The following FMN1 variants were observed in gnomAD, a reference collection of about 807,000 sequenced individuals.
FMN1 encodes formin 1.
Under a neutral mutation model 132.4 loss-of-function variants are expected in FMN1, and 110 were observed. The ratio of observed to expected loss-of-function variants is 0.83; its 90% CI spans 0.71 to 0.97. The LOEUF is 0.97. FMN1 is among the 50% of genes least tolerant of loss of function. The pLI is 0.00. For missense variants in FMN1, 1,792 were observed against 1,705.3 expected, an observed-to-expected ratio of 1.05 and a Z score of -0.90; for synonymous variants, 722 against 651.7, an observed-to-expected ratio of 1.11 and a Z score of -1.64.
At chr15:32,955,074 C>T (rs1244206134) in intron 9 of FMN1, among the ~76,000 whole-genome samples, 1 of 152,190 alleles carries the variant, frequency 6.6e-6, no homozygotes, top group Non-Finnish European at 1.5e-5. Context: ...TGCCCAACCC[C>T]TCTAAACTCC....
At chr15:33,161,729 C>T (rs190757138) in intron 3 of FMN1, among the ~76,000 whole-genome samples, 180 of 152,112 alleles carry the variant, frequency 1.2e-3, no homozygotes, top group African/African-American at 3.7e-3. Flanking sequence ...CCACCCTGGC[C>T]AACACGGTGA....
At chr15:33,144,700 A>G in intron 4 of FMN1, among the ~76,000 whole-genome samples, 1 of 152,204 alleles carries the variant, frequency 6.6e-6, no homozygotes, top group South Asian at 2.1e-4. Flanking sequence ...AAATATCGAT[A>G]AAGATGCTAT....
At chr15:33,110,306 T>G (rs192385053) in intron 4 of FMN1, among the ~76,000 whole-genome samples, 1 of 152,046 alleles carries the variant, frequency 6.6e-6, no homozygotes, top group African/African-American at 2.4e-5. Flanking sequence ...TGAAACAATA[T>G]TTATGAAAAG....
intron 6 of FMN1, chr15:33,012,960 A>G (rs1473829566): frequency 4.3e-6 from 2 of 470,574 alleles, no homozygotes; most frequent in Non-Finnish European, 8.3e-6. Context: ...AAAACTTTGG[A>G]GGCAAAAGCT....
Position 32,779,587 on chromosome 15 carries a change from C to A in FMN1, c.4131-2668G>T, listed in dbSNP as rs151152915. Reference sequence around the variant, plus strand: ...AAAAGAATTATAAACAGACACAGAGCTTTCACTGTGGCAATATATGCAATC... The same window carrying A: ...AAAAGAATTATAAACAGACACAGAGATTTCACTGTGGCAATATATGCAATC... On this transcript the variant is annotated intron_variant, in intron 19 of 20. Coordinates refer to ENST00000616417, the MANE Select transcript of FMN1 (RefSeq NM_001277313.2). Among the ~76,000 whole-genome samples the A allele has an allele frequency of 5.9e-5, 9 of 152,276 alleles. No homozygotes were observed. In the East Asian group the frequency reaches 1.7e-3, roughly 29 times the overall value.
At chr15:32,928,587 A>C (rs753305394) in intron 9 of FMN1, among the ~76,000 whole-genome samples, 1 of 152,224 alleles carries the variant, frequency 6.6e-6, no homozygotes, top group Non-Finnish European at 1.5e-5. Flanking sequence ...TCAAAAAGGC[A>C]AATAAAAGCA....
At chr15:32,932,784 T>C (rs1389061685) in intron 9 of FMN1, among the ~76,000 whole-genome samples, 1 of 152,236 alleles carries the variant, frequency 6.6e-6, no homozygotes, top group East Asian at 1.9e-4. Context: ...TTTTTTGGCA[T>C]GTAATTGTTC....
At chr15:33,070,712 G>C (rs1038375123) in intron 5 of FMN1, among the ~76,000 whole-genome samples, 1 of 152,182 alleles carries the variant, frequency 6.6e-6, no homozygotes, top group African/African-American at 2.4e-5. Flanking sequence ...CCATAGCTGA[G>C]AGAAGGTAAC....
At position 32,776,926 on chromosome 15, in the gene FMN1, T is replaced by C. The variant is rs989764313; in HGVS notation, c.4131-7A>G. The C allele has an allele frequency of 7.8e-6, 12 of 1,542,052 alleles. No homozygotes were observed. The highest frequency in any genetic ancestry group is 2.7e-5 in the African/African-American group (2 of 73,326). On this transcript the variant is annotated splice_polypyrimidine_tract_variant and splice_region_variant and intron_variant, in intron 19 of 20. Transcript: ENST00000616417. The stretch of plus-strand genomic sequence containing the variant: ...TTCCTGAGCCATTTTCAATCTGAAA[T>C]AGAAATAGGGAAAAGACAGGGGAGA...
rs117137952 is a variant in FMN1, at chr15:32,774,507, A to C, written c.4216-153T>G. On this transcript the variant is annotated intron_variant, in intron 20 of 20. Coordinates refer to ENST00000616417, the MANE Select transcript of FMN1 (RefSeq NM_001277313.2). ...CCTCTACTGCTTTCCCTAAGCTCTTAGTTATCTGCCCCTCCCTACCTATCA... is the reference window on the plus strand; with the variant it reads ...CCTCTACTGCTTTCCCTAAGCTCTTCGTTATCTGCCCCTCCCTACCTATCA... Among the ~76,000 whole-genome samples the C allele has an allele frequency of 1.9e-3, 288 of 151,716 alleles. 6 individuals are homozygous for C. In the East Asian group the frequency reaches 0.048, roughly 25 times the overall value.
chr15:32,935,249 C>T (rs2061235998), intron 9 of FMN1, among the ~76,000 whole-genome samples: 1 of 151,994 alleles, frequency 6.6e-6, no homozygotes, highest in Admixed American at 6.5e-5. Flanking sequence ...ATATAGTTTT[C>T]TTACTTGGTA....
intron 5 of FMN1, among the ~76,000 whole-genome samples, chr15:33,072,652 G>A (rs2038042729): frequency 6.6e-6 from 1 of 152,210 alleles, no homozygotes; most frequent in East Asian, 1.9e-4. Flanking sequence ...GCTGGGCACA[G>A]TAGCTCACGC....
rs992792674 is a variant in FMN1, at chr15:32,942,852, A to G, written c.3139-16591T>C. 2.6e-5 allele frequency among the ~76,000 whole-genome samples: 4 copies of G among 152,242 alleles called. No individual in the cohort carries two copies. The East Asian group carries it at 5.8e-4, about 22-fold the overall frequency. On this transcript the variant is annotated intron_variant, in intron 9 of 20. Coordinates refer to ENST00000616417, the MANE Select transcript of FMN1 (RefSeq NM_001277313.2). ...ATAGCTGCTGGCACTTCAGGGAACT[A>G]AGGGCATGTGAAAGTTGCTGCTTTT...
intron 9 of FMN1, among the ~76,000 whole-genome samples, chr15:32,946,760 T>C (rs1185133208): frequency 2.0e-5 from 3 of 152,126 alleles, no homozygotes; most frequent in East Asian, 3.9e-4. Context: ...ATGCCAGACA[T>C]ACACGAGTAA....
intron 7 of FMN1, among the ~76,000 whole-genome samples, chr15:33,007,031 A>G (rs12441885): frequency 0.55 from 82,884 of 151,952 alleles, 25,305 homozygotes; most frequent in East Asian, 0.88. Context: ...ATACTTTAAA[A>G]TTTCTAAAAG....
At chr15:33,026,342 C>T (rs946679701) in intron 6 of FMN1, among the ~76,000 whole-genome samples, 1 of 147,310 alleles carries the variant, frequency 6.8e-6, no homozygotes, top group Non-Finnish European at 1.5e-5. Context: ...ACTAACTCTA[C>T]TTTATTCTAT....
At chr15:33,070,029 G>A (rs892055442) in intron 5 of FMN1, among the ~76,000 whole-genome samples, 2 of 80,568 alleles carry the variant, frequency 2.5e-5, no homozygotes, top group African/African-American at 8.9e-5. Flanking sequence ...TTTTGAGACC[G>A]AGTTTCGCTC....
intron 6 of FMN1, among the ~76,000 whole-genome samples, chr15:33,051,473 G>C (rs1045708212): frequency 7.2e-6 from 1 of 139,314 alleles, no homozygotes; most frequent in Non-Finnish European, 1.6e-5. Context: ...GCAACCATCA[G>C]GTGATAGGTG....
intron 3 of FMN1, among the ~76,000 whole-genome samples, chr15:33,162,211 C>T (rs1964924363): frequency 6.6e-6 from 1 of 151,938 alleles, no homozygotes. Context: ...CAGGGTTTTG[C>T]CATGTTGTGC....
Sources: allele counts gnomAD v4.1 joint callset (sites outside exome capture counted in the v4.1 genomes callset), GRCh38; gene constraint gnomAD v4.1.1; transcripts MANE v1.5; gene names NCBI Gene and HGNC (gene_info 2026-07-23, HGNC 2026-07-21).